The following RIN3 variants were observed in gnomAD, a reference collection of about 807,000 sequenced individuals.
RIN3 encodes RAB5 interacting protein 3.
RIN3 carries 54 observed loss-of-function variants against 76.3 expected under a neutral mutation model. The observed-to-expected ratio is 0.71, with a 90% CI of 0.57 to 0.89. The LOEUF (loss-of-function observed/expected upper bound fraction) is 0.89. RIN3 is among the 40% of genes least tolerant of loss of function. RIN3 has a pLI of 0.00. For synonymous variants in RIN3, 576 were observed against 564.0 expected (o/e 1.02, Z -0.30); for missense variants, 1,256 against 1,322.1 (o/e 0.95, Z 0.78).
At chr14:92,601,785 C>T (rs1885354533) in intron 3 of RIN3, among the ~76,000 whole-genome samples, 1 of 152,190 alleles carries the variant, frequency 6.6e-6, no homozygotes, top group South Asian at 2.1e-4. Flanking sequence ...AAAAATCTCC[C>T]CAGCCTGGTT....
chr14:92,548,340 C>G (rs1897335530), intron 1 of RIN3, among the ~76,000 whole-genome samples: 1 of 152,154 alleles, frequency 6.6e-6, no homozygotes, highest in Non-Finnish European at 1.5e-5. Context: ...GGCATGTGAC[C>G]TTTGGTGAAT....
chr14:92,641,389 A>G, intron 5 of RIN3, 60 bp downstream of exon 5: 1 of 1,338,558 alleles, frequency 7.5e-7, no homozygotes, highest in Non-Finnish European at 1.1e-6. Flanking sequence ...GGGCCCTAGG[A>G]CTGCCCCAGG....
chr14:92,557,265 C>T (rs1776546018), intron 2 of RIN3, among the ~76,000 whole-genome samples: 1 of 152,222 alleles, frequency 6.6e-6, no homozygotes, highest in African/African-American at 2.4e-5. Flanking sequence ...ATAGATGAGG[C>T]AACTGCGATG....
At chr14:92,541,881 A>G (rs571187958) in intron 1 of RIN3, among the ~76,000 whole-genome samples, 3 of 152,366 alleles carry the variant, frequency 2.0e-5, no homozygotes, top group East Asian at 3.9e-4. Flanking sequence ...CAAATCATAT[A>G]TCTGATAAGG....
At chr14:92,678,429 T>A (rs1277136075) in intron 8 of RIN3, among the ~76,000 whole-genome samples, 5 of 127,542 alleles carry the variant, frequency 3.9e-5, no homozygotes, top group Non-Finnish European at 8.3e-5. Flanking sequence ...ACATATTCAT[T>A]CACCCATCCA....
At chr14:92,659,657 G>A (rs895469324) in intron 7 of RIN3, 188 bp downstream of exon 7, 12 of 514,334 alleles carry the variant, frequency 2.3e-5, no homozygotes, top group African/African-American at 2.0e-4. Context: ...TGGGGACTGG[G>A]AGGAGAGCCA....
chr14:92,619,178 G>C (rs549274175), intron 4 of RIN3, among the ~76,000 whole-genome samples: 24 of 152,074 alleles, frequency 1.6e-4, no homozygotes, highest in Middle Eastern at 3.2e-3. Context: ...ACCTAAACAT[G>C]TCAAATAATC....
At chr14:92,580,288 C>T (rs1382383050) in intron 3 of RIN3, among the ~76,000 whole-genome samples, 1 of 152,230 alleles carries the variant, frequency 6.6e-6, no homozygotes, top group Non-Finnish European at 1.5e-5. Context: ...ATTACTTGAA[C>T]CTGGGAGGCA....
Position 92,634,844 on chromosome 14 carries a change from C to T in RIN3, c.441-6394C>T, listed in dbSNP as rs558237377. ...CTGCACTCCAGCCTGGGTGCCAGAA[C>T]GAGACTCTATCTAAAAAAAAAAAAA... On this transcript the variant is annotated intron_variant, in intron 4 of 9. Transcript: ENST00000216487. Among the ~76,000 whole-genome samples the T allele has an allele frequency of 1.2e-3, 167 of 138,908 alleles. 5 individuals are homozygous for T. In the South Asian group the frequency reaches 0.036, roughly 30 times the overall value. 91.1% of individuals were successfully genotyped at this position (138,908 alleles called of 152,430 possible).
intron 4 of RIN3, among the ~76,000 whole-genome samples, chr14:92,622,604 C>T (rs1042910306): frequency 9.9e-5 from 15 of 152,216 alleles, no homozygotes; most frequent in African/African-American, 3.6e-4. Flanking sequence ...ATCCCTAACG[C>T]AGACCCTGTT....
chr14:92,683,652 T>A (rs6575278), intron 8 of RIN3, among the ~76,000 whole-genome samples: 7 of 151,920 alleles, frequency 4.6e-5, no homozygotes, highest in African/African-American at 1.2e-4. Context: ...GCTAGACCCC[T>A]TCTCTATAGA....
chr14:92,583,486 G>A (rs1595434522), intron 3 of RIN3, among the ~76,000 whole-genome samples: 1 of 152,234 alleles, frequency 6.6e-6, no homozygotes, highest in Non-Finnish European at 1.5e-5. Flanking sequence ...TAAAATGAGT[G>A]TGCAGCTGGC....
chr14:92,563,805 A>T (rs896421022), intron 2 of RIN3, among the ~76,000 whole-genome samples: 7 of 152,160 alleles, frequency 4.6e-5, no homozygotes, highest in Non-Finnish European at 1.0e-4. Flanking sequence ...GTTTCCCCAT[A>T]TGTAAAATAA....
intron 2 of RIN3, among the ~76,000 whole-genome samples, chr14:92,565,773 C>CT (rs1373034079): frequency 6.6e-6 from 1 of 152,178 alleles, no homozygotes; most frequent in Non-Finnish European, 1.5e-5. Context: ...TTTGGGCCGG[C>CT]TTCTTTACCA....
Position 92,615,480 on chromosome 14 carries a change from G to C in RIN3, c.440+1G>C. The C allele has an allele frequency of 1.9e-6, 3 of 1,612,388 alleles. No individual in the cohort carries two copies. Among genetic ancestry groups the C allele is most frequent in the Non-Finnish European group, 2.5e-6 (3 of 1,178,396 alleles). On this transcript the variant is annotated splice_donor_variant, in intron 4 of 9. Coordinates refer to ENST00000216487, the MANE Select transcript of RIN3 (RefSeq NM_024832.5). LOFTEE classifies it high-confidence loss of function. ...TGATTGCGTTCTACTGTGTCAGTAGGTGAGTAGACCCGGCCCTGCAGGAGG... is the reference window on the plus strand; with the variant it reads ...TGATTGCGTTCTACTGTGTCAGTAGCTGAGTAGACCCGGCCCTGCAGGAGG...
intron 3 of RIN3, among the ~76,000 whole-genome samples, chr14:92,580,406 T>G (rs1462619739): frequency 2.6e-5 from 4 of 152,212 alleles, no homozygotes; most frequent in African/African-American, 7.2e-5. Flanking sequence ...ATTCATGTGT[T>G]CAGCAGAGAG....
chr14:92,652,894 C>T lies in RIN3; in HGVS notation c.1845C>T (p.Tyr615=). 6.2e-7 allele frequency: 1 copy of T among 1,614,072 alleles called. No individual in the cohort carries two copies. The highest frequency in any genetic ancestry group is 8.5e-7 in the Non-Finnish European group (1 of 1,180,044). ...AGCTGGCGCAGGACAAGGGCTCGTACTTTGGCAGCCTGGTGCAGGACTACA... is the reference window on the plus strand; with the variant it reads ...AGCTGGCGCAGGACAAGGGCTCGTATTTTGGCAGCCTGGTGCAGGACTACA... ...VVELAQDKGS[Y]FGSLVQDYKV... The change falls in exon 6 of 10, where the codon TAC becomes TAT. Residue 615 remains tyrosine, a synonymous_variant. Transcript: ENST00000216487. This position sits in a 1 kb window ranked among gnomAD's most constrained non-coding sequence, Gnocchi z 6.4.
At chr14:92,638,973 A>G (rs913854997) in intron 4 of RIN3, among the ~76,000 whole-genome samples, 1 of 152,240 alleles carries the variant, frequency 6.6e-6, no homozygotes, top group Non-Finnish European at 1.5e-5. Flanking sequence ...CTGGGAGGCC[A>G]CAGAAGCCAA....
chr14:92,627,110 C>T (rs1232882595), intron 4 of RIN3, among the ~76,000 whole-genome samples: 1 of 152,194 alleles, frequency 6.6e-6, no homozygotes, highest in Non-Finnish European at 1.5e-5. Flanking sequence ...AGAGGACTAT[C>T]AGAGGGGATC....
Sources: allele counts gnomAD v4.1 joint callset (sites outside exome capture counted in the v4.1 genomes callset), GRCh38; gene constraint gnomAD v4.1.1; non-coding constraint Gnocchi (gnomAD v3.1); transcripts MANE v1.5; gene names NCBI Gene and HGNC (gene_info 2026-07-23, HGNC 2026-07-21).